Variants in PTPRT observed in about 807,000 individuals in gnomAD.
PTPRT encodes the protein protein tyrosine phosphatase receptor type T.
PTPRT carries 56 observed loss-of-function variants against 176.8 expected under a neutral mutation model. The ratio of observed to expected loss-of-function variants is 0.32; its 90% CI spans 0.26 to 0.40. The LOEUF (loss-of-function observed/expected upper bound fraction) is 0.40, where lower values mean the gene tolerates loss of function less well. Ranked by LOEUF, PTPRT falls within the 10% of genes least tolerant of loss-of-function variation. The pLI, the probability that PTPRT is intolerant of heterozygous loss-of-function variation, is 1.00. For missense variants in PTPRT, 1,540 were observed against 1,908.2 expected (o/e 0.81, Z 3.60); for synonymous variants, 783 against 739.0 (o/e 1.06, Z -0.96).
At position 42,103,619 on chromosome 20, in the gene PTPRT, C is replaced by T. The variant is rs567213519; in HGVS notation, c.3540+950G>A. Among the ~76,000 whole-genome samples the T allele has an allele frequency of 3.3e-5, 5 of 152,292 alleles. No individual in the cohort carries two copies. The South Asian group carries it at 1.0e-3, about 32-fold the overall frequency. On this transcript the variant is annotated intron_variant, in intron 25 of 30. Transcript: ENST00000373187. ...TAGCTGGGATTACAGGTGCATGCCA[C>T]CATGCCTGGCTCACTTGTTTTGTAT...
intron 13 of PTPRT, among the ~76,000 whole-genome samples, chr20:42,256,613 A>G (rs780559020): frequency 7.4e-6 from 1 of 135,546 alleles, no homozygotes; most frequent in South Asian, 2.3e-4. Flanking sequence ...CTTACCACTT[A>G]AAAAAGGAAG....
At chr20:42,446,350 T>G (rs533830367) in intron 9 of PTPRT, among the ~76,000 whole-genome samples, 401 of 152,330 alleles carry the variant, frequency 2.6e-3, no homozygotes, top group Non-Finnish European at 3.3e-3. Context: ...ATTTTTGGAA[T>G]TATGTCTTTT....
chr20:42,454,197 C>T (rs561573507), intron 8 of PTPRT, among the ~76,000 whole-genome samples: 1 of 152,212 alleles, frequency 6.6e-6, no homozygotes, highest in Non-Finnish European at 1.5e-5. Flanking sequence ...GTATCTAATT[C>T]ATCCCCATCT....
intron 26 of PTPRT, among the ~76,000 whole-genome samples, chr20:42,098,958 T>C (rs1985584903): frequency 6.6e-6 from 1 of 152,242 alleles, no homozygotes; most frequent in African/African-American, 2.4e-5. Context: ...TGGGTCGGCC[T>C]GAGGCCGAGA....
chr20:43,026,780 T>C (rs1206945591), intron 1 of PTPRT, among the ~76,000 whole-genome samples: 1 of 152,194 alleles, frequency 6.6e-6, no homozygotes, highest in Admixed American at 6.5e-5. Flanking sequence ...CTGTTCTCTA[T>C]TGTTTTAATT....
At chr20:42,341,712 C>G (rs1259528244) in intron 11 of PTPRT, among the ~76,000 whole-genome samples, 1 of 152,146 alleles carries the variant, frequency 6.6e-6, no homozygotes, top group Non-Finnish European at 1.5e-5. Flanking sequence ...CTCCAGCACT[C>G]CAGACTTTTG....
At chr20:42,944,328 A>G (rs1374736928) in intron 1 of PTPRT, among the ~76,000 whole-genome samples, 1 of 152,172 alleles carries the variant, frequency 6.6e-6, no homozygotes, top group East Asian at 1.9e-4. Context: ...AGAACCTGCA[A>G]ACTGCTCTTC....
chr20:42,993,733 A>T (rs1568722885), intron 1 of PTPRT, among the ~76,000 whole-genome samples: 1 of 151,964 alleles, frequency 6.6e-6, no homozygotes, highest in Non-Finnish European at 1.5e-5. Flanking sequence ...AAACCAAGAC[A>T]TATGACATGA....
chr20:42,956,089 T>C (rs1023093445), intron 1 of PTPRT, among the ~76,000 whole-genome samples: 7 of 152,162 alleles, frequency 4.6e-5, no homozygotes, highest in African/African-American at 1.4e-4. Flanking sequence ...CTCTATTGCA[T>C]GTACAGGTTG....
chr20:42,484,217 C>T (rs976745210), intron 7 of PTPRT, among the ~76,000 whole-genome samples: 13 of 151,766 alleles, frequency 8.6e-5, no homozygotes, highest in African/African-American at 3.1e-4. Context: ...TTTTTTTTTC[C>T]CACAGATCCT....
At chr20:42,698,414 C>G (rs1344250464) in intron 6 of PTPRT, among the ~76,000 whole-genome samples, 5 of 152,136 alleles carry the variant, frequency 3.3e-5, no homozygotes, top group Admixed American at 2.6e-4. Context: ...ACCTAAATGG[C>G]AAACGCCTGG....
At chr20:42,878,342 T>G (rs2078967171) in intron 2 of PTPRT, among the ~76,000 whole-genome samples, 1 of 152,250 alleles carries the variant, frequency 6.6e-6, no homozygotes, top group South Asian at 2.1e-4. Context: ...AATACATATT[T>G]ATGCAAGTTT....
At chr20:42,071,197 C>T (rs367666113), downstream of PTPRT, among the ~76,000 whole-genome samples, 413 of 152,240 alleles carry the variant, frequency 2.7e-3, 2 homozygotes, top group Middle Eastern at 0.024. Flanking sequence ...TCCACCCCTG[C>T]GGCTTGTGTT....
chr20:42,230,617 T>G (rs1191522485), intron 15 of PTPRT, among the ~76,000 whole-genome samples: 1 of 152,190 alleles, frequency 6.6e-6, no homozygotes, highest in Non-Finnish European at 1.5e-5. Context: ...CCAGCCACTC[T>G]ACATACACAC....
At position 42,914,568 on chromosome 20, in the gene PTPRT, G is replaced by C. The variant is rs576864292; in HGVS notation, c.89-28636C>G. 2.9e-4 allele frequency among the ~76,000 whole-genome samples: 44 copies of C among 152,256 alleles called. 2 individuals are homozygous for C. In the South Asian group the frequency reaches 9.1e-3, roughly 32 times the overall value. ...AAGCATCAAATGATTTATGTTAACT[G>C]AAAGAAGCCAGATTCAAAGGCTACA... On this transcript the variant is annotated intron_variant, in intron 1 of 30. Transcript: ENST00000373187.
At chr20:42,577,813 A>G (rs538864956) in intron 7 of PTPRT, among the ~76,000 whole-genome samples, 11 of 150,750 alleles carry the variant, frequency 7.3e-5, no homozygotes, top group African/African-American at 2.5e-4. Context: ...CAAACAAGAG[A>G]AAAACCTTCA....
At chr20:42,604,490 T>C (rs2073838115) in intron 7 of PTPRT, among the ~76,000 whole-genome samples, 1 of 152,050 alleles carries the variant, frequency 6.6e-6, no homozygotes, top group South Asian at 2.1e-4. Context: ...CCCAGAACAA[T>C]GCCTCAGTAG....
At chr20:42,736,507 G>A (rs927144634) in intron 6 of PTPRT, among the ~76,000 whole-genome samples, 2 of 152,268 alleles carry the variant, frequency 1.3e-5, no homozygotes, top group Non-Finnish European at 2.9e-5. Context: ...GGCCGAGCAA[G>A]CACAGACCCA....
chr20:42,281,642 G>A (rs893571810), intron 13 of PTPRT, among the ~76,000 whole-genome samples: 3 of 151,956 alleles, frequency 2.0e-5, no homozygotes, highest in African/African-American at 4.8e-5. Flanking sequence ...TTAAATCTAC[G>A]GTTATATGCC....
Sources: gnomAD v4.1 joint callset for allele counts (sites outside exome capture counted in the v4.1 genomes callset) on GRCh38, gnomAD v4.1.1 for gene constraint, MANE v1.5 for transcripts, NCBI Gene and HGNC (gene_info 2026-07-23, HGNC 2026-07-21) for gene names.